The following PPM1L variants were observed in gnomAD, a reference collection of about 807,000 sequenced individuals.
PPM1L encodes protein phosphatase 1L.
In PPM1L, 13 loss-of-function variants were observed where a neutral mutation model predicts 31.4. That is an observed-to-expected ratio of 0.41 (90% CI 0.27 to 0.66). PPM1L has a LOEUF of 0.66. Among genes scored for constraint, PPM1L ranks in the 30% least tolerant of loss-of-function variants. The pLI, the probability that PPM1L is intolerant of heterozygous loss-of-function variation, is 0.29. For missense variants in PPM1L, 326 were observed against 453.7 expected, an observed-to-expected ratio of 0.72 and a Z score of 2.56; for synonymous variants, 184 against 175.4, an observed-to-expected ratio of 1.05 and a Z score of -0.39.
intron 1 of PPM1L, among the ~76,000 whole-genome samples, chr3:160,842,989 G>A (rs1269066548): frequency 2.6e-5 from 4 of 151,996 alleles, no homozygotes; most frequent in Admixed American, 6.6e-5. Context: ...AGAATATTTA[G>A]ATTCCCTTTC....
rs577909255 is a variant in PPM1L at position 161,034,875 on chromosome 3, A to G, written c.575-30528A>G. Among the ~76,000 whole-genome samples the G allele has an allele frequency of 2.6e-5, 4 of 151,652 alleles. No homozygotes were observed. In the East Asian group the frequency reaches 7.8e-4, roughly 30 times the overall value. Reference sequence around the variant, plus strand: ...ATAAAAAAATAAAAGAAAATGTGGCACATATACACCATGGAATACTATGCA... The same window carrying G: ...ATAAAAAAATAAAAGAAAATGTGGCGCATATACACCATGGAATACTATGCA... On this transcript the variant is annotated intron_variant, in intron 2 of 3. Transcript: ENST00000498165.
At chr3:160,833,657 A>G (rs1005761375) in intron 1 of PPM1L, among the ~76,000 whole-genome samples, 4 of 151,632 alleles carry the variant, frequency 2.6e-5, no homozygotes, top group African/African-American at 7.3e-5. Flanking sequence ...TTAAGTTCCT[A>G]TATATTCTGG....
intron 2 of PPM1L, among the ~76,000 whole-genome samples, chr3:161,058,243 G>C (rs935249709): frequency 6.8e-6 from 1 of 145,990 alleles, no homozygotes; most frequent in East Asian, 2.2e-4. Flanking sequence ...TCCTGCCTCA[G>C]CCTCCGGAGT....
chr3:160,869,514 A>T (rs914250340), intron 1 of PPM1L, among the ~76,000 whole-genome samples: 1 of 138,070 alleles, frequency 7.2e-6, no homozygotes, highest in African/African-American at 2.6e-5. Context: ...AATTTTTTAA[A>T]GTTTTCCTCT....
intron 1 of PPM1L, among the ~76,000 whole-genome samples, chr3:160,828,665 A>G (rs1337860179): frequency 6.6e-6 from 1 of 152,082 alleles, no homozygotes; most frequent in African/African-American, 2.4e-5. Context: ...CACCTGGGAC[A>G]CATGGTCATG....
At chr3:160,956,247 A>G (rs1255314983) in intron 1 of PPM1L, among the ~76,000 whole-genome samples, 2 of 152,166 alleles carry the variant, frequency 1.3e-5, no homozygotes, top group African/African-American at 4.8e-5. Context: ...GGTAATATAA[A>G]TATATGTAAA....
chr3:160,889,787 C>T (rs1382125612), intron 1 of PPM1L, among the ~76,000 whole-genome samples: 1 of 152,164 alleles, frequency 6.6e-6, no homozygotes, highest in Non-Finnish European at 1.5e-5. Flanking sequence ...AGTAGCATAT[C>T]AAAAAACGTA....
intron 2 of PPM1L, among the ~76,000 whole-genome samples, chr3:161,005,532 G>A (rs1717675537): frequency 6.6e-6 from 1 of 152,146 alleles, no homozygotes; most frequent in African/African-American, 2.4e-5. Context: ...ACAGCATAAT[G>A]ATTAAATACA....
At chr3:160,893,809 G>A (rs1713235923) in intron 1 of PPM1L, among the ~76,000 whole-genome samples, 1 of 152,126 alleles carries the variant, frequency 6.6e-6, no homozygotes, top group Non-Finnish European at 1.5e-5. Flanking sequence ...ACTTATGATG[G>A]TTCAACTTAT....
At chr3:160,962,361 C>T (rs1715996317) in intron 2 of PPM1L, among the ~76,000 whole-genome samples, 1 of 152,158 alleles carries the variant, frequency 6.6e-6, no homozygotes, top group Admixed American at 6.5e-5. Flanking sequence ...ACATCAGAGA[C>T]TTCATCTCAC....
chr3:160,964,763 A>G (rs905735832), intron 2 of PPM1L, among the ~76,000 whole-genome samples: 2 of 152,044 alleles, frequency 1.3e-5, no homozygotes, highest in Non-Finnish European at 2.9e-5. Context: ...GATGCAGGAC[A>G]GTGGATGTGG....
At chr3:160,915,555 G>A (rs1001421343) in intron 1 of PPM1L, among the ~76,000 whole-genome samples, 14 of 152,034 alleles carry the variant, frequency 9.2e-5, no homozygotes, top group African/African-American at 2.7e-4. Flanking sequence ...ATTGGAAAAA[G>A]CTACTTTAAA....
chr3:160,953,148 A>C (rs1715627044), intron 1 of PPM1L, among the ~76,000 whole-genome samples: 1 of 152,206 alleles, frequency 6.6e-6, no homozygotes, highest in Non-Finnish European at 1.5e-5. Context: ...TTGGGTCTCT[A>C]TATCAGGACC....
chr3:160,951,583 G>A (rs746149703), intron 1 of PPM1L, among the ~76,000 whole-genome samples: 23 of 152,262 alleles, frequency 1.5e-4, no homozygotes, highest in Middle Eastern at 3.4e-3. Context: ...TGCAATTAGG[G>A]AAGCCATCAT....
intron 1 of PPM1L, among the ~76,000 whole-genome samples, chr3:160,783,734 C>T (rs1277271391): frequency 6.6e-6 from 1 of 152,096 alleles, no homozygotes; most frequent in Non-Finnish European, 1.5e-5. Flanking sequence ...TTACCATGTT[C>T]CCCCTCTGGA....
At chr3:161,028,936 G>A (rs1187434931) in intron 2 of PPM1L, among the ~76,000 whole-genome samples, 2 of 152,142 alleles carry the variant, frequency 1.3e-5, no homozygotes, top group Admixed American at 1.3e-4. Context: ...GAGGTCATCC[G>A]TACTAATAAA....
At chr3:160,880,467 C>G (rs914225084) in intron 1 of PPM1L, among the ~76,000 whole-genome samples, 1 of 152,052 alleles carries the variant, frequency 6.6e-6, no homozygotes, top group African/African-American at 2.4e-5. Context: ...AGAAGAAATG[C>G]AATAACATTT....
intron 1 of PPM1L, among the ~76,000 whole-genome samples, chr3:160,948,057 AC>A (rs533870160): frequency 2.1e-3 from 325 of 152,252 alleles, no homozygotes; most frequent in African/African-American, 7.6e-3. Context: ...TATCTCTAGC[AC>A]CTAGCACAGT....
At chr3:160,824,831 C>T (rs1358479602) in intron 1 of PPM1L, among the ~76,000 whole-genome samples, 1 of 151,988 alleles carries the variant, frequency 6.6e-6, no homozygotes, top group Non-Finnish European at 1.5e-5. Context: ...AGATTCATGC[C>T]TTATATATGT....
Sources: allele counts gnomAD v4.1 joint callset (sites outside exome capture counted in the v4.1 genomes callset), GRCh38; gene constraint gnomAD v4.1.1; transcripts MANE v1.5; gene names NCBI Gene and HGNC (gene_info 2026-07-23, HGNC 2026-07-21).